Variants in B3GALNT2 observed in about 807,000 individuals in gnomAD.
B3GALNT2 encodes beta-1,3-N-acetylgalactosaminyltransferase 2, also known as UDP-GalNAc:beta-1,3-N-acetylgalactosaminyltransferase 2.
A neutral mutation model predicts 61.1 loss-of-function variants in B3GALNT2; 53 were observed. The observed-to-expected ratio is 0.87, with a 90% CI of 0.70 to 1.09. The LOEUF (loss-of-function observed/expected upper bound fraction) is 1.09. Ranked by LOEUF, B3GALNT2 falls within the 50% of genes least tolerant of loss-of-function variation. The probability of loss-of-function intolerance (pLI) is 0.00; values close to 1 mark genes in which losing one functional copy is unlikely to be tolerated. For missense variants in B3GALNT2, 544 were observed against 623.0 expected, an observed-to-expected ratio of 0.87 and a Z score of 1.35; for synonymous variants, 223 against 237.4, an observed-to-expected ratio of 0.94 and a Z score of 0.56.
chr1:235,497,107 G>A (rs1211664432), intron 1 of B3GALNT2, among the ~76,000 whole-genome samples: 1 of 152,084 alleles, frequency 6.6e-6, no homozygotes, highest in African/African-American at 2.4e-5. Flanking sequence ...TCATAGCTCA[G>A]AACATTTTTT....
chr1:235,499,647 A>T (rs750921049), intron 1 of B3GALNT2, among the ~76,000 whole-genome samples: 2 of 152,234 alleles, frequency 1.3e-5, no homozygotes, highest in Admixed American at 6.5e-5. Flanking sequence ...AATTTATTTG[A>T]TCAGTAAAGA....
At chr1:235,470,272 T>C (rs1405624284) in intron 6 of B3GALNT2, among the ~76,000 whole-genome samples, 1 of 152,140 alleles carries the variant, frequency 6.6e-6, no homozygotes, top group Non-Finnish European at 1.5e-5. Flanking sequence ...TGAGCAAGTA[T>C]TCTTAAAGAA....
At chr1:235,503,329 C>T (rs1685670657) in intron 1 of B3GALNT2, among the ~76,000 whole-genome samples, 2 of 152,214 alleles carry the variant, frequency 1.3e-5, no homozygotes, top group Non-Finnish European at 2.9e-5. Context: ...ACAGGGAAAG[C>T]TAAAGTAGTG....
chr1:235,473,172 C>G (rs564363890), intron 5 of B3GALNT2, among the ~76,000 whole-genome samples: 1 of 152,326 alleles, frequency 6.6e-6, no homozygotes, highest in African/African-American at 2.4e-5. Flanking sequence ...CTCAGCCTCC[C>G]AAAGTGCTAG....
At chr1:235,494,652 C>A in intron 2 of B3GALNT2, 29 bp downstream of exon 2, 1 of 1,597,042 alleles carries the variant, frequency 6.3e-7, no homozygotes. Context: ...TTCAATAAAC[C>A]AGGCAAGGCA....
chr1:235,481,053 G>A (rs992146687), intron 4 of B3GALNT2, among the ~76,000 whole-genome samples: 8 of 151,568 alleles, frequency 5.3e-5, no homozygotes, highest in African/African-American at 1.9e-4. Context: ...TAACCATAGG[G>A]GAAACTTCTG....
rs946921420 is a variant in B3GALNT2, at chr1:235,465,550, A to G, written c.841+86T>C. On this transcript the variant is annotated intron_variant, in intron 7 of 11. Transcript: ENST00000366600. ...TCTGAATAAAGTTTTTTAAAAGACAAAAAAGAAAAAATCCTTTTCTCTCAA... is the reference window on the plus strand; with the variant it reads ...TCTGAATAAAGTTTTTTAAAAGACAGAAAAGAAAAAATCCTTTTCTCTCAA... 126 of 1,543,196 alleles carry G rather than the reference A, an allele frequency of 8.2e-5. No homozygotes were observed. The African/African-American group carries it at 1.4e-3, about 18-fold the overall frequency.
rs771540713 is a variant in B3GALNT2, at chr1:235,448,800, C to T, written c.*1406G>A. On this transcript the variant is annotated 3_prime_UTR_variant, in exon 12 of 12. Coordinates refer to ENST00000366600, the MANE Select transcript of B3GALNT2 (RefSeq NM_152490.5). ...AAAATTTAAAGACCACACTGCTTAT[C>T]GTGTCTGGGGTTCACCGGAAATAAA... 27 of 1,402,818 alleles carry T rather than the reference C, an allele frequency of 1.9e-5. No homozygotes were observed. Among genetic ancestry groups the T allele is most frequent in the Non-Finnish European group, 2.5e-5 (25 of 989,900 alleles). The allele number at this position is 1,402,818 out of a possible 1,614,324, so 86.9% of individuals were successfully genotyped here.
Position 235,454,290 on chromosome 1 carries a change from G to C in B3GALNT2, c.1177C>G (p.Arg393Gly), listed in dbSNP as rs1300792331. 1.9e-6 allele frequency: 3 copies of C among 1,612,808 alleles called. No homozygotes were observed. The highest frequency in any genetic ancestry group is 1.7e-5 in the Admixed American group (1 of 59,892). ...TCCAACTCCTGCCACTTTCCGGTTC[G>C]GTCAACTGCCCAATTCAGTCTGAAA... Reference protein sequence around the residue: ...GNFRLNWAVDRTGKWQELEYP... With the variant: ...GNFRLNWAVDGTGKWQELEYP... The change falls in exon 10 of 12, where the codon CGA (arginine) becomes GGA (glycine). Residue 393 changes from arginine (R) to glycine (G), a missense_variant. Physicochemically the swap from Arg to Gly is moderately radical, Grantham distance 125. Coordinates refer to ENST00000366600, the MANE Select transcript of B3GALNT2 (RefSeq NM_152490.5).
At chr1:235,490,900 T>A (rs1286357933) in intron 2 of B3GALNT2, among the ~76,000 whole-genome samples, 2 of 152,122 alleles carry the variant, frequency 1.3e-5, no homozygotes, top group Non-Finnish European at 2.9e-5. Flanking sequence ...TGATGTCACA[T>A]TAGTCACTTG....
the B3GALNT2 span, chr1:235,440,719 C>T: frequency 6.6e-6 from 1 of 152,076 alleles, no homozygotes; most frequent in Non-Finnish European, 1.5e-5. Flanking sequence ...TTAAAGCCCC[C>T]CAGGTAATTC....
chr1:235,448,674 C>A lies in B3GALNT2; in HGVS notation c.*1532G>T. ...CCACCTTCGTTCTAATTTTAGAAGC[C>A]GGGCAGAGAAATCGAGCTGGAAAAT... is the stretch of plus-strand genomic sequence containing the variant. On this transcript the variant is annotated 3_prime_UTR_variant, in exon 12 of 12. Coordinates refer to ENST00000366600, the MANE Select transcript of B3GALNT2 (RefSeq NM_152490.5). 1 of 1,613,368 alleles carries A rather than the reference C, an allele frequency of 6.2e-7. No homozygotes were observed. The highest frequency in any genetic ancestry group is 8.5e-7 in the Non-Finnish European group (1 of 1,179,506).
chr1:235,498,282 T>A (rs192978234), intron 1 of B3GALNT2, among the ~76,000 whole-genome samples: 1 of 152,116 alleles, frequency 6.6e-6, no homozygotes, highest in Non-Finnish European at 1.5e-5. Flanking sequence ...GGGTACCTAG[T>A]TGACTCCAGT....
intron 3 of B3GALNT2, 118 bp downstream of exon 3, chr1:235,489,050 T>G: frequency 7.5e-7 from 1 of 1,327,744 alleles, no homozygotes. Flanking sequence ...ACCCTGTCTC[T>G]AAAACACATA....
intron 7 of B3GALNT2, chr1:235,465,058 C>T (rs1253362394): frequency 6.6e-6 from 1 of 152,238 alleles, no homozygotes; most frequent in Non-Finnish European, 1.5e-5. Flanking sequence ...TGACCCAGGT[C>T]TTCTACTCCT....
intron 1 of B3GALNT2, among the ~76,000 whole-genome samples, chr1:235,503,808 A>G (rs1462594875): frequency 6.6e-6 from 1 of 152,186 alleles, no homozygotes; most frequent in Non-Finnish European, 1.5e-5. Context: ...GCTGAAGGGC[A>G]CACGAGGTTC....
downstream of B3GALNT2, among the ~76,000 whole-genome samples, chr1:235,447,086 A>G (rs545342937): frequency 1.5e-4 from 23 of 152,284 alleles, no homozygotes; most frequent in African/African-American, 5.3e-4. Flanking sequence ...GCCTTCAAAC[A>G]ATGAAAGCCA....
intron 2 of B3GALNT2, among the ~76,000 whole-genome samples, chr1:235,491,913 G>A (rs1031657160): frequency 3.9e-5 from 6 of 152,056 alleles, no homozygotes; most frequent in African/African-American, 1.2e-4. Flanking sequence ...CAAGCCCTGT[G>A]CTCAAGTTAT....
rs185635864 is a variant in B3GALNT2 at position 235,460,804 on chromosome 1, G to A, written c.842-2018C>T. Among the ~76,000 whole-genome samples the A allele has an allele frequency of 5.3e-5, 8 of 152,090 alleles. No homozygotes were observed. The South Asian group carries it at 1.7e-3, about 32-fold the overall frequency. ...GTCCAGGCTGGTCTCTAAATCCTGG[G>A]CTCAAGAGATCCTCTTGCCTCCCAA... On this transcript the variant is annotated intron_variant, in intron 7 of 11. Transcript: ENST00000366600.
Sources: gnomAD v4.1 joint callset for allele counts (sites outside exome capture counted in the v4.1 genomes callset) on GRCh38, gnomAD v4.1.1 for gene constraint, MANE v1.5 for transcripts, NCBI Gene and HGNC (gene_info 2026-07-23, HGNC 2026-07-21) for gene names.